The following CENPP variants were observed in gnomAD, a reference collection of about 807,000 sequenced individuals.
CENPP encodes centromere protein P.
A neutral mutation model predicts 35.6 loss-of-function variants in CENPP; 24 were observed. That is an observed-to-expected ratio of 0.67 (90% CI 0.49 to 0.95). The LOEUF (loss-of-function observed/expected upper bound fraction) is 0.95. Ranked by LOEUF, CENPP falls within the 40% of genes least tolerant of loss-of-function variation. The probability of loss-of-function intolerance (pLI) is 0.00; values close to 1 mark genes in which losing one functional copy is unlikely to be tolerated. For missense variants in CENPP, 332 were observed against 345.3 expected (o/e 0.96, Z 0.31); for synonymous variants, 120 against 125.5 (o/e 0.96, Z 0.29).
intron 5 of CENPP, among the ~76,000 whole-genome samples, chr9:92,497,889 AAAAAG>A (rs1470313113): frequency 2.3e-4 from 35 of 151,418 alleles, no homozygotes; most frequent in African/African-American, 7.3e-4. Context: ...AAAAAAAAAA[AAAAAG>A]AAGTCTGGCA....
intron 5 of CENPP, among the ~76,000 whole-genome samples, chr9:92,482,998 A>G (rs1278777706): frequency 6.6e-6 from 1 of 152,022 alleles, no homozygotes; most frequent in African/African-American, 2.4e-5. Flanking sequence ...TGGACTCAAC[A>G]TATGTGATAT....
At chr9:92,611,195 C>T (rs1038307221) in intron 5 of CENPP, 119 bp from the exon 6 acceptor site, 5 of 777,528 alleles carry the variant, frequency 6.4e-6, no homozygotes, top group African/African-American at 1.7e-5. Flanking sequence ...CCCATGGATG[C>T]TGCGCAAACA....
intron 5 of CENPP, among the ~76,000 whole-genome samples, chr9:92,533,825 G>T (rs1248024053): frequency 6.6e-6 from 1 of 151,956 alleles, no homozygotes; most frequent in African/African-American, 2.4e-5. Flanking sequence ...ATAGATATTT[G>T]TCCATTATTT....
intron 5 of CENPP, among the ~76,000 whole-genome samples, chr9:92,496,940 C>CAAA (rs34069793): frequency 8.9e-6 from 1 of 112,226 alleles, no homozygotes; most frequent in African/African-American, 3.3e-5. Flanking sequence ...ATAAGGTTTG[C>CAAA]AAAAAAAAAA....
intron 5 of CENPP, among the ~76,000 whole-genome samples, chr9:92,382,872 G>A (rs944047161): frequency 7.5e-5 from 11 of 146,710 alleles, no homozygotes; most frequent in Non-Finnish European, 1.6e-4. Context: ...CTGTACTTAC[G>A]CTAGTACCAC....
intron 5 of CENPP, among the ~76,000 whole-genome samples, chr9:92,413,363 G>A (rs1198286873): frequency 6.6e-6 from 1 of 152,116 alleles, no homozygotes; most frequent in African/African-American, 2.4e-5. Context: ...TTCCAAAGGT[G>A]TATGAAGGCT....
chr9:92,460,412 A>G lies in CENPP; in HGVS notation c.564+80553A>G, dbSNP rs546622987. ...GGCTAAACAGACAGTGATCTCTACC[A>G]GGGTCCCTGTGCACATTCTCCAGGA... On this transcript the variant is annotated intron_variant, in intron 5 of 7. Transcript: ENST00000375587. 32 of 975,174 alleles carry G rather than the reference A, an allele frequency of 3.3e-5. 1 individual carries two copies. In the South Asian group the frequency reaches 4.3e-4, roughly 13 times the overall value. 60.4% of individuals were successfully genotyped at this position (975,174 alleles called of 1,614,324 possible).
At chr9:92,394,987 G>A (rs1842836907) in intron 5 of CENPP, among the ~76,000 whole-genome samples, 1 of 152,254 alleles carries the variant, frequency 6.6e-6, no homozygotes, top group African/African-American at 2.4e-5. Context: ...TATTTTAATA[G>A]TCAAATTGTC....
At position 92,453,446 on chromosome 9, in the gene CENPP, T is replaced by A. The variant is rs551239790; in HGVS notation, c.564+73587T>A. Among the ~76,000 whole-genome samples the A allele has an allele frequency of 3.3e-5, 5 of 152,336 alleles. No individual in the cohort carries two copies. The South Asian group carries it at 1.0e-3, about 32-fold the overall frequency. ...TCTTAATACTGAGTTCTAATTTGAT[T>A]GCACTGTGGTCTGAGAGACAGTTTG... On this transcript the variant is annotated intron_variant, in intron 5 of 7. Transcript: ENST00000375587.
chr9:92,515,349 G>T (rs1490963082), intron 5 of CENPP: 2 of 1,164,192 alleles, frequency 1.7e-6, no homozygotes, highest in Non-Finnish European at 2.2e-6. Context: ...TGAAATTCTT[G>T]CTTAAAAAGT....
intron 4 of CENPP, among the ~76,000 whole-genome samples, chr9:92,353,332 A>G (rs1197887188): frequency 6.6e-6 from 1 of 152,164 alleles, no homozygotes; most frequent in African/African-American, 2.4e-5. Flanking sequence ...TGCGTTCAGC[A>G]AGCACCTCAG....
At chr9:92,561,418 G>A (rs1252770445) in intron 5 of CENPP, among the ~76,000 whole-genome samples, 2 of 152,098 alleles carry the variant, frequency 1.3e-5, no homozygotes, top group African/African-American at 4.8e-5. Flanking sequence ...TATAAGTTTG[G>A]GCTTGGATGG....
chr9:92,570,464 GC>G lies in CENPP; in HGVS notation c.565-40849del, dbSNP rs530360229. 3.9e-3 allele frequency among the ~76,000 whole-genome samples: 594 copies of G among 152,290 alleles called. 8 individuals are homozygous for G. The highest frequency in any genetic ancestry group is 7.5e-4 in the Non-Finnish European group (51 of 68,036). Reference sequence around the variant, plus strand: ...TGGTGGATAAGCTTTTTGATGTGCTGCTGGATACGGTTTGCCAGTATTTTAT... The same window carrying G: ...TGGTGGATAAGCTTTTTGATGTGCTGTGGATACGGTTTGCCAGTATTTTAT... On this transcript the variant is annotated intron_variant, in intron 5 of 7. Coordinates refer to ENST00000375587, the MANE Select transcript of CENPP (RefSeq NM_001012267.3).
chr9:92,486,578 C>T (rs1198405967), intron 5 of CENPP, among the ~76,000 whole-genome samples: 1 of 152,198 alleles, frequency 6.6e-6, no homozygotes, highest in Non-Finnish European at 1.5e-5. Context: ...GCCCTGACCT[C>T]CTCTTACCCT....
chr9:92,457,270 A>G, intron 5 of CENPP: 1 of 1,609,414 alleles, frequency 6.2e-7, no homozygotes, highest in South Asian at 1.1e-5. Flanking sequence ...TTAAATGGAC[A>G]TTACCAATTA....
chr9:92,364,256 C>T (rs1378525530), intron 4 of CENPP, among the ~76,000 whole-genome samples: 1 of 151,978 alleles, frequency 6.6e-6, no homozygotes, highest in Non-Finnish European at 1.5e-5. Context: ...TGGTCTCACA[C>T]TCCTGGGCTC....
intron 5 of CENPP, among the ~76,000 whole-genome samples, chr9:92,558,762 G>A (rs750711642): frequency 5.5e-4 from 83 of 152,070 alleles, no homozygotes; most frequent in Non-Finnish European, 1.0e-3. Flanking sequence ...CATCAGGTGG[G>A]GACAGGGCTA....
intron 5 of CENPP, among the ~76,000 whole-genome samples, chr9:92,391,334 G>A (rs1488948978): frequency 6.6e-6 from 1 of 152,174 alleles, no homozygotes; most frequent in East Asian, 1.9e-4. Flanking sequence ...ATGAACCTGG[G>A]AGGCGGAGCT....
intron 5 of CENPP, chr9:92,457,552 G>A (rs1418334051): frequency 2.5e-5 from 29 of 1,172,314 alleles, no homozygotes; most frequent in Non-Finnish European, 3.4e-5. Flanking sequence ...ATACTCTGTA[G>A]TCGCCATTTG....
Sources: gnomAD v4.1 joint callset for allele counts (sites outside exome capture counted in the v4.1 genomes callset) on GRCh38, gnomAD v4.1.1 for gene constraint, MANE v1.5 for transcripts, NCBI Gene and HGNC (gene_info 2026-07-23, HGNC 2026-07-21) for gene names.